Variants in SRPK2 observed in about 807,000 individuals in gnomAD.
The protein encoded by SRPK2 is SFRS protein kinase 2.
A neutral mutation model predicts 90.8 loss-of-function variants in SRPK2; 21 were observed. The observed-to-expected ratio is 0.23, with a 90% confidence interval of 0.16 to 0.33. The LOEUF (loss-of-function observed/expected upper bound fraction) is 0.33, where lower values mean the gene tolerates loss of function less well. SRPK2 is among the 10% of genes least tolerant of loss of function. The probability of loss-of-function intolerance (pLI) is 1.00; values close to 1 mark genes in which losing one functional copy is unlikely to be tolerated. For synonymous variants in SRPK2, 288 were observed against 311.1 expected (o/e 0.93, Z 0.78); for missense variants, 620 against 869.0 (o/e 0.71, Z 3.60).
At chr7:105,313,254 A>G (rs1490830522) in intron 2 of SRPK2, among the ~76,000 whole-genome samples, 1 of 148,752 alleles carries the variant, frequency 6.7e-6, no homozygotes, top group African/African-American at 2.5e-5. Flanking sequence ...GAGGCCAGCC[A>G]GCGTAACATG....
rs368171169 is a variant in SRPK2, at chr7:105,124,166, C to T, written c.1915+2082G>A. ...AAGGAACCATCACAGGAGTGACAGC[C>T]CAAGAGCAGATGCCTGCAACCAGCT... On this transcript the variant is annotated intron_variant, in intron 15 of 15. Transcript: ENST00000393651. Among the ~76,000 whole-genome samples, 12 of 152,332 alleles carry T rather than the reference C, an allele frequency of 7.9e-5. No individual in the cohort carries two copies. The South Asian group carries it at 1.9e-3, about 24-fold the overall frequency.
intron 2 of SRPK2, among the ~76,000 whole-genome samples, chr7:105,249,029 T>C (rs1368972005): frequency 1.3e-5 from 2 of 152,210 alleles, no homozygotes; most frequent in Non-Finnish European, 2.9e-5. Flanking sequence ...GTGTCTGTTC[T>C]ATTTGATGAC....
intron 7 of SRPK2, among the ~76,000 whole-genome samples, chr7:105,154,084 C>T (rs925230635): frequency 6.6e-6 from 1 of 152,220 alleles, no homozygotes; most frequent in Non-Finnish European, 1.5e-5. Flanking sequence ...CAGGGGACGG[C>T]GTCCTTACCC....
At chr7:105,175,881 TAAAAAATGC>T (rs1791775382) in intron 3 of SRPK2, among the ~76,000 whole-genome samples, 1 of 152,006 alleles carries the variant, frequency 6.6e-6, no homozygotes, top group African/African-American at 2.4e-5. Context: ...AATCTTCCCA[TAAAAAATGC>T]ATTGGTATAT....
chr7:105,241,531 A>C (rs746308905), intron 2 of SRPK2, among the ~76,000 whole-genome samples: 1 of 152,166 alleles, frequency 6.6e-6, no homozygotes, highest in Non-Finnish European at 1.5e-5. Flanking sequence ...ATGTGAGGTG[A>C]GCATTATCAT....
intron 6 of SRPK2, among the ~76,000 whole-genome samples, chr7:105,162,321 C>T (rs1050487991): frequency 6.6e-6 from 1 of 152,160 alleles, no homozygotes; most frequent in Non-Finnish European, 1.5e-5. Context: ...GGATTACAGG[C>T]ATGAGCCACC....
At chr7:105,200,580 A>G (rs976287253) in intron 3 of SRPK2, among the ~76,000 whole-genome samples, 17 of 152,176 alleles carry the variant, frequency 1.1e-4, no homozygotes, top group African/African-American at 4.1e-4. Context: ...CAAAATACTT[A>G]TTACTAGGGG....
intron 2 of SRPK2, among the ~76,000 whole-genome samples, chr7:105,332,053 G>C (rs954335227): frequency 3.3e-5 from 5 of 152,084 alleles, no homozygotes; most frequent in African/African-American, 1.2e-4. Context: ...GCAGCACAAA[G>C]GCCCAAAGCA....
At chr7:105,315,063 G>C (rs1215811807) in intron 2 of SRPK2, among the ~76,000 whole-genome samples, 1 of 152,154 alleles carries the variant, frequency 6.6e-6, no homozygotes, top group African/African-American at 2.4e-5. Flanking sequence ...GATCACTTGA[G>C]CACAGGAGTT....
intron 2 of SRPK2, among the ~76,000 whole-genome samples, chr7:105,241,181 T>C (rs1415211449): frequency 6.6e-6 from 1 of 152,216 alleles, no homozygotes; most frequent in Non-Finnish European, 1.5e-5. Context: ...TTGAGGTATA[T>C]AACAGGACTG....
chr7:105,141,770 A>T (rs748773954), intron 11 of SRPK2, among the ~76,000 whole-genome samples: 17 of 152,268 alleles, frequency 1.1e-4, no homozygotes, highest in Non-Finnish European at 2.5e-4. Flanking sequence ...CTGACTAAAT[A>T]TATTAAAAAT....
At chr7:105,116,034 T>C (rs928593849), downstream of SRPK2, among the ~76,000 whole-genome samples, 1 of 152,182 alleles carries the variant, frequency 6.6e-6, no homozygotes, top group Non-Finnish European at 1.5e-5. Context: ...TGTGATATAA[T>C]GGTAATTCCT....
At chr7:105,334,882 C>T (rs916487314) in intron 2 of SRPK2, among the ~76,000 whole-genome samples, 2 of 149,778 alleles carry the variant, frequency 1.3e-5, no homozygotes, top group Non-Finnish European at 3.0e-5. Context: ...AAGAACACTA[C>T]TTATTGGCTG....
At chr7:105,220,939 C>T (rs1216636040) in intron 2 of SRPK2, among the ~76,000 whole-genome samples, 1 of 151,964 alleles carries the variant, frequency 6.6e-6, no homozygotes, top group Non-Finnish European at 1.5e-5. Context: ...TTTTTTGGTA[C>T]TGGAGGTAAA....
chr7:105,278,093 A>G (rs1004443421), intron 2 of SRPK2, among the ~76,000 whole-genome samples: 2 of 152,180 alleles, frequency 1.3e-5, no homozygotes, highest in Non-Finnish European at 2.9e-5. Context: ...AGGCAGGCAG[A>G]TCACTTGAGA....
intron 13 of SRPK2, 117 bp downstream of exon 13, chr7:105,132,674 G>A: frequency 1.3e-6 from 1 of 779,374 alleles, no homozygotes; most frequent in Non-Finnish European, 2.0e-6. Flanking sequence ...GCCCACGGTG[G>A]ATGACCCTTA....
downstream of SRPK2, among the ~76,000 whole-genome samples, chr7:105,116,154 G>T (rs369776589): frequency 6.6e-6 from 1 of 152,224 alleles, no homozygotes; most frequent in East Asian, 1.9e-4. Context: ...GATGAAAAGG[G>T]ATCATTGATA....
intron 2 of SRPK2, among the ~76,000 whole-genome samples, chr7:105,305,292 A>G (rs997026928): frequency 1.2e-4 from 19 of 152,182 alleles, no homozygotes; most frequent in African/African-American, 4.6e-4. Flanking sequence ...ACACAAAATT[A>G]GCCGGGTATT....
intron 13 of SRPK2, among the ~76,000 whole-genome samples, chr7:105,130,803 C>CAA (rs397976737): frequency 2.3e-5 from 3 of 128,640 alleles, no homozygotes; most frequent in Admixed American, 7.8e-5. Context: ...TGCCCCTTTC[C>CAA]AAAAAAAAAA....
Sources: gnomAD v4.1 joint callset for allele counts (sites outside exome capture counted in the v4.1 genomes callset) on GRCh38, gnomAD v4.1.1 for gene constraint, MANE v1.5 for transcripts, NCBI Gene and HGNC (gene_info 2026-07-23, HGNC 2026-07-21) for gene names.